The following KDM2A variants were observed in gnomAD, a reference collection of about 807,000 sequenced individuals.
The protein encoded by KDM2A is lysine-specific demethylase 2A.
Under a neutral mutation model 137.3 loss-of-function variants are expected in KDM2A, and 3 were observed. The ratio of observed to expected loss-of-function variants is 0.02; its 90% CI spans 0.01 to 0.06. The LOEUF is 0.06. Ranked by LOEUF, KDM2A falls within the 10% of genes least tolerant of loss-of-function variation. The pLI is 1.00. For synonymous variants in KDM2A, 512 were observed against 541.5 expected, an observed-to-expected ratio of 0.95 and a Z score of 0.76; for missense variants, 738 against 1,510.6, an observed-to-expected ratio of 0.49 and a Z score of 8.48.
chr11:67,251,244 A>G (rs562045455), intron 17 of KDM2A, among the ~76,000 whole-genome samples: 1 of 152,340 alleles, frequency 6.6e-6, no homozygotes, highest in South Asian at 2.1e-4. Context: ...CCATTCAGTG[A>G]GAGAAGTGGG....
At chr11:67,176,657 G>A (rs1856978084) in intron 2 of KDM2A, among the ~76,000 whole-genome samples, 1 of 152,102 alleles carries the variant, frequency 6.6e-6, no homozygotes, top group Non-Finnish European at 1.5e-5. Flanking sequence ...AGGTTATATG[G>A]TATATCCTAT....
chr11:67,207,529 T>C lies in KDM2A; in HGVS notation c.327T>C (p.Asp109=). ...KMCVGSRRMV[D]VMDVNTQKGI... ...TGGCAGGGAGTCGTCGCATGGTGGA[T>C]GTCATGGACGTGAACACACAGAAAG... The change falls in exon 6 of 21, where the codon GAT becomes GAC. Residue 109 remains aspartate, a synonymous_variant. Coordinates refer to ENST00000529006, the MANE Select transcript of KDM2A (RefSeq NM_012308.3). 1.9e-6 allele frequency: 3 copies of C among 1,606,818 alleles called. No individual in the cohort carries two copies. Among genetic ancestry groups the C allele is most frequent in the Non-Finnish European group, 2.6e-6 (3 of 1,175,168 alleles).
intron 10 of KDM2A, among the ~76,000 whole-genome samples, chr11:67,221,627 T>C (rs1327211234): frequency 6.6e-6 from 1 of 152,212 alleles, no homozygotes; most frequent in African/African-American, 2.4e-5. Flanking sequence ...AAGCCAGTGC[T>C]TCTTCAACAC....
chr11:67,171,470 C>G (rs928641189), intron 2 of KDM2A, among the ~76,000 whole-genome samples: 2 of 105,360 alleles, frequency 1.9e-5, no homozygotes. Context: ...TGTTTACTTC[C>G]AAGGGAAAGT....
intron 2 of KDM2A, among the ~76,000 whole-genome samples, chr11:67,126,032 G>A (rs1475716924): frequency 6.6e-6 from 1 of 150,760 alleles, no homozygotes; most frequent in Non-Finnish European, 1.5e-5. Context: ...GATCACCTGA[G>A]GTCGGGAGAT....
At chr11:67,207,777 C>A (rs1857852884) in intron 6 of KDM2A, 89 bp downstream of exon 6, 4 of 1,122,106 alleles carry the variant, frequency 3.6e-6, no homozygotes. Context: ...GTTATCCCAG[C>A]ACTTTGGGAG....
rs774795323 is a variant in KDM2A at position 67,219,384 on chromosome 11, A to G, written c.938A>G (p.Asn313Ser). The G allele has an allele frequency of 1.2e-6, 2 of 1,603,252 alleles. No individual in the cohort carries two copies. The highest frequency in any genetic ancestry group is 1.7e-6 in the Non-Finnish European group (2 of 1,174,228). Residue 313 changes from asparagine (N) to serine (S), a missense_variant, in exon 10 of 21, where the codon AAC (asparagine) becomes AGC (serine). By Grantham distance (46) the Asn-to-Ser change is conservative. Coordinates refer to ENST00000529006, the MANE Select transcript of KDM2A (RefSeq NM_012308.3). Reference protein sequence around the residue: ...FNIPMQLKIYNIEDRTRVPNK... With the variant: ...FNIPMQLKIYSIEDRTRVPNK... Reference sequence around the variant, plus strand: ...ATCCCTATGCAGTTAAAAATATACAACATTGAAGATCGGACACGGGTAAGT... The same window carrying G: ...ATCCCTATGCAGTTAAAAATATACAGCATTGAAGATCGGACACGGGTAAGT...
intron 2 of KDM2A, among the ~76,000 whole-genome samples, chr11:67,167,446 C>T (rs1565385704): frequency 6.6e-6 from 1 of 152,126 alleles, no homozygotes; most frequent in Non-Finnish European, 1.5e-5. Flanking sequence ...TGTTTGTGGT[C>T]AGGGTAAGTG....
At chr11:67,184,776 G>A (rs546045107) in intron 5 of KDM2A, among the ~76,000 whole-genome samples, 151 of 152,228 alleles carry the variant, frequency 9.9e-4, no homozygotes, top group African/African-American at 3.6e-3. Flanking sequence ...CAGAGAAGAC[G>A]TAAGAAAACT....
chr11:67,149,262 T>A (rs1001915132), intron 2 of KDM2A: 1 of 152,100 alleles, frequency 6.6e-6, no homozygotes, highest in Non-Finnish European at 1.5e-5. Flanking sequence ...ACAGGGTACT[T>A]CTTAACCTTT....
chr11:67,247,105 T>G (rs1348175779), intron 15 of KDM2A, among the ~76,000 whole-genome samples: 2 of 111,136 alleles, frequency 1.8e-5, no homozygotes, highest in South Asian at 6.3e-4. Flanking sequence ...TTTTTTTTTT[T>G]GGAGACAGAG....
intron 5 of KDM2A, chr11:67,196,403 T>C (rs1215919102): frequency 1.8e-5 from 8 of 455,928 alleles, no homozygotes; most frequent in African/African-American, 1.0e-4. Flanking sequence ...ACCTCTTGCA[T>C]AGCTGGGACT....
At chr11:67,197,238 AT>A (rs1173790691) in intron 5 of KDM2A, 3 of 151,308 alleles carry the variant, frequency 2.0e-5, no homozygotes, top group African/African-American at 7.3e-5. Flanking sequence ...CAGTGGGGCA[AT>A]CATGCCTCCC....
chr11:67,120,874 G>A (rs1422842939), intron 1 of KDM2A, among the ~76,000 whole-genome samples: 1 of 151,660 alleles, frequency 6.6e-6, no homozygotes, highest in Non-Finnish European at 1.5e-5. Flanking sequence ...GTTCAGTGGT[G>A]CTTCACCTGG....
At chr11:67,146,196 T>C (rs1005266167) in intron 2 of KDM2A, among the ~76,000 whole-genome samples, 3 of 151,964 alleles carry the variant, frequency 2.0e-5, no homozygotes, top group African/African-American at 7.2e-5. Context: ...GGTTTCACCA[T>C]GTTGGCCAGG....
intron 12 of KDM2A, chr11:67,239,934 C>A: frequency 1.7e-6 from 1 of 582,318 alleles, no homozygotes; most frequent in Non-Finnish European, 2.4e-6. Context: ...CTCTTCCAAT[C>A]GCGAGGAAGA....
chr11:67,228,285 C>G, intron 11 of KDM2A, 122 bp downstream of exon 11: 1 of 1,031,064 alleles, frequency 9.7e-7, no homozygotes, highest in Non-Finnish European at 1.4e-6. Flanking sequence ...CTTGGAAGTA[C>G]CAAATTCATC....
At chr11:67,166,963 A>G (rs1282217269) in intron 2 of KDM2A, among the ~76,000 whole-genome samples, 1 of 152,092 alleles carries the variant, frequency 6.6e-6, no homozygotes, top group East Asian at 1.9e-4. Context: ...CTGTAATCCC[A>G]GCTATTCAGG....
intron 5 of KDM2A, among the ~76,000 whole-genome samples, chr11:67,187,551 T>G (rs1316705400): frequency 8.4e-6 from 1 of 119,322 alleles, no homozygotes; most frequent in Non-Finnish European, 1.7e-5. Context: ...TAATTGATTT[T>G]ATTTATTTAT....
Sources: allele counts gnomAD v4.1 joint callset (sites outside exome capture counted in the v4.1 genomes callset), GRCh38; gene constraint gnomAD v4.1.1; transcripts MANE v1.5; gene names NCBI Gene and HGNC (gene_info 2026-07-23, HGNC 2026-07-21).